Variants in LHFPL6 observed in about 807,000 individuals in gnomAD.
LHFPL6 encodes the protein LHFPL tetraspan subfamily member 6 protein.
LHFPL6 carries 9 observed loss-of-function variants against 20.6 expected under a neutral mutation model. That is an observed-to-expected ratio of 0.44 (90% CI 0.26 to 0.76). The LOEUF is 0.76. Among genes scored for constraint, LHFPL6 ranks in the 30% least tolerant of loss-of-function variants. LHFPL6 has a pLI of 0.20. For synonymous variants in LHFPL6, 105 were observed against 98.7 expected (o/e 1.06, Z -0.38); for missense variants, 218 against 253.5 (o/e 0.86, Z 0.95).
chr13:39,460,516 G>A (rs955510595), intron 2 of LHFPL6, among the ~76,000 whole-genome samples: 1 of 152,176 alleles, frequency 6.6e-6, no homozygotes, highest in African/African-American at 2.4e-5. Flanking sequence ...CAGCAATTCT[G>A]AATTATGATT....
chr13:39,408,590 G>A (rs1219805390), intron 2 of LHFPL6, among the ~76,000 whole-genome samples: 1 of 152,142 alleles, frequency 6.6e-6, no homozygotes, highest in Non-Finnish European at 1.5e-5. Context: ...TTTCATTATA[G>A]TGCTTTCCTA....
At position 39,345,512 on chromosome 13, in the gene LHFPL6, C is replaced by CAAA. The variant is rs71077225; in HGVS notation, c.485-1461_485-1459dup. Among the ~76,000 whole-genome samples the CAAA allele has an allele frequency of 3.9e-3, 170 of 43,394 alleles. 11 individuals are homozygous for CAAA. Among genetic ancestry groups the CAAA allele is most frequent in the African/African-American group, 7.2e-3 (106 of 14,728 alleles). The allele number at this position is 43,394 out of a possible 152,430, so 28.5% of individuals were successfully genotyped here. ...TGGGTCAGGGAGCGAGACTCCATCT[C>CAAA]AAAAAAAAAAAAAAAAAAAAAAAAA... On this transcript the variant is annotated intron_variant, in intron 3 of 3. Transcript: ENST00000379589.
chr13:39,511,756 T>C (rs371404195), intron 2 of LHFPL6, among the ~76,000 whole-genome samples: 4 of 152,358 alleles, frequency 2.6e-5, no homozygotes, highest in South Asian at 4.1e-4. Context: ...AGATACCTGC[T>C]ATGTATTTTT....
intron 2 of LHFPL6, among the ~76,000 whole-genome samples, chr13:39,407,517 T>C (rs149007441): frequency 8.5e-5 from 13 of 152,320 alleles, no homozygotes; most frequent in Admixed American, 5.2e-4. Flanking sequence ...ATCTTAGAAA[T>C]TGAAAACTGG....
rs376368238 is a variant in LHFPL6, at chr13:39,419,158, G to A, written c.386-40632C>T. On this transcript the variant is annotated intron_variant, in intron 2 of 3. Coordinates refer to ENST00000379589, the MANE Select transcript of LHFPL6 (RefSeq NM_005780.3). ...CTGGAGACAGCTTCAACAAAACCCA[G>A]AACAGGCTGCACTCCCTTTTGTCCT... is the stretch of plus-strand genomic sequence containing the variant. Among the ~76,000 whole-genome samples, 136 of 152,262 alleles carry A rather than the reference G, an allele frequency of 8.9e-4. 1 individual carries two copies. The highest frequency in any genetic ancestry group is 6.8e-3 in the Middle Eastern group (2 of 294).
chr13:39,523,340 C>T (rs1202258009), intron 2 of LHFPL6, among the ~76,000 whole-genome samples: 1 of 152,086 alleles, frequency 6.6e-6, no homozygotes, highest in South Asian at 2.1e-4. Flanking sequence ...GAGGCCGAGG[C>T]GGGCGGATCA....
intron 2 of LHFPL6, among the ~76,000 whole-genome samples, chr13:39,594,461 G>A (rs1872710193): frequency 6.6e-6 from 1 of 152,184 alleles, no homozygotes; most frequent in Admixed American, 6.5e-5. Flanking sequence ...AAAAAGTCAG[G>A]AAACAACAGG....
intron 2 of LHFPL6, among the ~76,000 whole-genome samples, chr13:39,517,777 C>T (rs995297336): frequency 2.0e-5 from 3 of 152,314 alleles, no homozygotes; most frequent in East Asian, 3.9e-4. Flanking sequence ...ATCCTTTTGC[C>T]TCAGCCTCCC....
At chr13:39,380,970 T>C (rs1165590958) in intron 2 of LHFPL6, among the ~76,000 whole-genome samples, 1 of 152,126 alleles carries the variant, frequency 6.6e-6, no homozygotes, top group Admixed American at 6.6e-5. Context: ...TGATTCTACA[T>C]TATGGTGAGT....
chr13:39,557,880 A>C (rs1871356212), intron 2 of LHFPL6, among the ~76,000 whole-genome samples: 1 of 152,156 alleles, frequency 6.6e-6, no homozygotes, highest in Non-Finnish European at 1.5e-5. Flanking sequence ...TAGTTTATGC[A>C]AGATGTGGTT....
chr13:39,508,819 T>C (rs1208637155), intron 2 of LHFPL6, among the ~76,000 whole-genome samples: 1 of 152,230 alleles, frequency 6.6e-6, no homozygotes, highest in African/African-American at 2.4e-5. Context: ...CACAACTCTT[T>C]ATATGAATAC....
rs561750372 is a variant in LHFPL6, at chr13:39,585,069, C to T, written c.385+15763G>A. On this transcript the variant is annotated intron_variant, in intron 2 of 3. Transcript: ENST00000379589. ...TATGTGTGTGCCCAATTGCACCCCA[C>T]AGCACCCCAATACACCCATATGGAA... Among the ~76,000 whole-genome samples the T allele has an allele frequency of 3.9e-5, 6 of 152,316 alleles. No homozygotes were observed. The South Asian group carries it at 1.2e-3, about 32-fold the overall frequency.
At chr13:39,530,646 A>G (rs1870437095) in intron 2 of LHFPL6, among the ~76,000 whole-genome samples, 1 of 152,088 alleles carries the variant, frequency 6.6e-6, no homozygotes, top group Non-Finnish European at 1.5e-5. Context: ...TCAGAATAAA[A>G]CTACGTGTTT....
intron 2 of LHFPL6, among the ~76,000 whole-genome samples, chr13:39,544,537 G>A (rs1324325741): frequency 1.3e-5 from 2 of 152,146 alleles, no homozygotes; most frequent in African/African-American, 4.8e-5. Context: ...GCAATCCTGA[G>A]AGTACACTTG....
intron 2 of LHFPL6, among the ~76,000 whole-genome samples, chr13:39,530,706 A>G (rs2138494611): frequency 1.3e-5 from 2 of 152,202 alleles, no homozygotes; most frequent in Middle Eastern, 3.4e-3. Flanking sequence ...CTTTTACATT[A>G]TCACTTTTTT....
intron 2 of LHFPL6, among the ~76,000 whole-genome samples, chr13:39,429,585 T>C (rs537041355): frequency 1.3e-5 from 2 of 152,348 alleles, no homozygotes; most frequent in African/African-American, 4.8e-5. Flanking sequence ...TTCTATTTAA[T>C]GTGATTACTG....
intron 3 of LHFPL6, among the ~76,000 whole-genome samples, chr13:39,370,641 G>A (rs1419443265): frequency 2.0e-5 from 3 of 152,334 alleles, no homozygotes; most frequent in Admixed American, 2.0e-4. Flanking sequence ...GCCGCTCTCT[G>A]CAAACACTTG....
intron 3 of LHFPL6, 105 bp downstream of exon 3, chr13:39,378,320 ATAC>A (rs1870347363): frequency 1.3e-6 from 1 of 753,948 alleles, no homozygotes; most frequent in Non-Finnish European, 2.3e-6. Flanking sequence ...ACTGGCTGTA[ATAC>A]CCAGGGAGGT....
intron 2 of LHFPL6, among the ~76,000 whole-genome samples, chr13:39,410,636 T>C (rs1273074504): frequency 2.0e-5 from 3 of 152,138 alleles, no homozygotes; most frequent in Non-Finnish European, 2.9e-5. Flanking sequence ...ATGAATAACA[T>C]TCACAACAGA....
Sources: gnomAD v4.1 joint callset for allele counts (sites outside exome capture counted in the v4.1 genomes callset) on GRCh38, gnomAD v4.1.1 for gene constraint, MANE v1.5 for transcripts, NCBI Gene and HGNC (gene_info 2026-07-23, HGNC 2026-07-21) for gene names.